Variants in USP24 observed in about 807,000 individuals in gnomAD.
The protein encoded by USP24 is ubiquitin specific peptidase 24.
Under a neutral mutation model 361.6 loss-of-function variants are expected in USP24, and 97 were observed. The observed-to-expected ratio is 0.27, with a 90% CI of 0.23 to 0.32. The LOEUF is 0.32. USP24 is among the 10% of genes least tolerant of loss of function. USP24 has a pLI of 1.00. For missense variants in USP24, 2,353 were observed against 3,165.6 expected, an observed-to-expected ratio of 0.74 and a Z score of 6.16; for synonymous variants, 1,098 against 1,124.6, an observed-to-expected ratio of 0.98 and a Z score of 0.47.
chr1:55,106,323 A>G lies in USP24; in HGVS notation c.4763-60T>C. On this transcript the variant is annotated intron_variant, in intron 40 of 67. Transcript: ENST00000294383. ...ACACATATTTTAATTCAAAGATCCT[A>G]TCTTGCACTTTCTTATCAGAGCAGC... The G allele has an allele frequency of 2.2e-6, 3 of 1,345,760 alleles. No homozygotes were observed. The South Asian group carries it at 3.7e-5, about 17-fold the overall frequency. 83.4% of individuals were successfully genotyped at this position (1,345,760 alleles called of 1,614,324 possible). A position where few individuals can be genotyped will look rare whatever the true frequency, so the allele number is the denominator to read the frequency against.
At chr1:55,202,421 T>C (rs1644599889) in intron 1 of USP24, among the ~76,000 whole-genome samples, 1 of 152,084 alleles carries the variant, frequency 6.6e-6, no homozygotes, top group African/African-American at 2.4e-5. Flanking sequence ...TTTTTTTTTT[T>C]TGAGATGGAG....
Position 55,138,593 on chromosome 1 carries a change from TTAATG to T in USP24, c.2928+10_2928+14del, listed in dbSNP as rs1354940436. ...GACAACATGAAAATGGCTGTAGTTC[TTAATG>T]TAAACCTACCTCGACAGTGAAGGTA... is the stretch of plus-strand genomic sequence containing the variant. On this transcript the variant is annotated intron_variant, in intron 26 of 67. Coordinates refer to ENST00000294383, the MANE Select transcript of USP24 (RefSeq NM_015306.3). The T allele has an allele frequency of 6.4e-7, 1 of 1,572,412 alleles. No individual in the cohort carries two copies.
At chr1:55,183,057 A>G (rs1450308157) in intron 1 of USP24, among the ~76,000 whole-genome samples, 1 of 152,210 alleles carries the variant, frequency 6.6e-6, no homozygotes, top group African/African-American at 2.4e-5. Context: ...CTATTCCTAA[A>G]AAATGCCAGA....
intron 45 of USP24, among the ~76,000 whole-genome samples, chr1:55,098,850 C>T (rs1048910721): frequency 6.6e-6 from 1 of 152,162 alleles, no homozygotes; most frequent in Non-Finnish European, 1.5e-5. Flanking sequence ...TTAGGGGCAA[C>T]TCTCAGCAAT....
At position 55,068,994 on chromosome 1, in the gene USP24, G is replaced by A. The variant is rs1417339924; in HGVS notation, c.*51C>T. 8.8e-6 allele frequency: 14 copies of A among 1,586,144 alleles called. 1 individual carries two copies. The South Asian group carries it at 1.4e-4, about 16-fold the overall frequency. ...TTCGAGATTCTGATTCCAAGAAGGT[G>A]CTGAGCATCCAGTATTGTGTCTTGA... On this transcript the variant is annotated 3_prime_UTR_variant, in exon 68 of 68. Transcript: ENST00000294383.
intron 67 of USP24, among the ~76,000 whole-genome samples, chr1:55,070,314 G>A (rs541284964): frequency 6.6e-5 from 10 of 152,268 alleles, no homozygotes; most frequent in African/African-American, 2.2e-4. Context: ...TGGAGTGAGG[G>A]CAGGAGGATA....
rs1646775369 is a variant in USP24 at position 55,137,638 on chromosome 1, A to G, written c.3078T>C (p.Asp1026=). Residue 1026 remains aspartate, a synonymous_variant, in exon 28 of 68, where the codon GAT becomes GAC. Transcript: ENST00000294383. ...AAGTCTTCACTGTAAGGATTTGTTC[A>G]TCAGAAAAGCCCAGTTGGTGGAGTA... ...QKLLHQLGFS[D]EQILTVKTSG... The G allele has an allele frequency of 6.2e-7, 1 of 1,613,306 alleles. No homozygotes were observed. The highest frequency in any genetic ancestry group is 8.5e-7 in the Non-Finnish European group (1 of 1,179,574).
rs1645194754 is a variant in USP24 at position 55,083,647 on chromosome 1, A to G, written c.6882+125T>C. The G allele has an allele frequency of 7.7e-6, 6 of 783,586 alleles. No individual in the cohort carries two copies. In the African/African-American group the frequency reaches 1.1e-4, roughly 14 times the overall value. The allele number at this position is 783,586 out of a possible 1,614,324, so 48.5% of individuals were successfully genotyped here. ...AGAATTCTTACAAGTAATATAATTCACAAGATTTTTAGGAAGAAACATCAT... is the reference window on the plus strand; with the variant it reads ...AGAATTCTTACAAGTAATATAATTCGCAAGATTTTTAGGAAGAAACATCAT... On this transcript the variant is annotated intron_variant, in intron 57 of 67. Coordinates refer to ENST00000294383, the MANE Select transcript of USP24 (RefSeq NM_015306.3).
intron 67 of USP24, among the ~76,000 whole-genome samples, chr1:55,069,935 A>AT (rs2100376505): frequency 6.6e-6 from 1 of 150,692 alleles, no homozygotes; most frequent in South Asian, 2.1e-4. Context: ...CGCAGGTGCT[A>AT]GATCAAGCAG....
At chr1:55,166,692 G>C (rs1444325504) in intron 5 of USP24, 89 bp from the exon 6 acceptor site, 2 of 1,264,790 alleles carry the variant, frequency 1.6e-6, no homozygotes, top group Non-Finnish European at 2.2e-6. Flanking sequence ...TGAAAAGTCA[G>C]AAGAAAAATT....
At position 55,094,000 on chromosome 1, in the gene USP24, C is replaced by T. The variant is rs369643238; in HGVS notation, c.6291G>A (p.Lys2097=). The part of the protein sequence containing the change: ...PNNDRLSILT[K]LVKKGEKKGL... ...CTTTCTTCTCGCCTTTTTTAACCAG[C>T]TTGGTAAGAATAGACAGCCGGTCAT... Residue 2097 remains lysine (K), a synonymous_variant, in exon 52 of 68, where the codon AAG becomes AAA. Transcript: ENST00000294383. 91 of 1,613,810 alleles carry T rather than the reference C, an allele frequency of 5.6e-5. No individual in the cohort carries two copies. Among genetic ancestry groups the T allele is most frequent in the Non-Finnish European group, 7.3e-5 (86 of 1,179,842 alleles).
rs1274699973 is a variant in USP24, at chr1:55,134,223, A to G, written c.3288-60T>C. On this transcript the variant is annotated intron_variant, in intron 29 of 67. Transcript: ENST00000294383. ...GCCATAGTTTAATTCAACAAAGTCC[A>G]TTAGTATGGAATATAAAATAAAATG... The G allele has an allele frequency of 3.2e-6, 5 of 1,577,924 alleles. No homozygotes were observed. The East Asian group carries it at 1.1e-4, about 36-fold the overall frequency.
rs1430083412 is a variant in USP24, at chr1:55,123,536, T to C, written c.4187A>G (p.Gln1396Arg). ...CGAGTCTTTGGTGGATACAGACTGTTGTCGAACACAGATTCCCGCATGCAG... is the reference window on the plus strand; with the variant it reads ...CGAGTCTTTGGTGGATACAGACTGTCGTCGAACACAGATTCCCGCATGCAG... ...VALHAGICVR[Q>R]QSVSTKDSLI... The change falls in exon 36 of 68, where the codon CAA (glutamine) becomes CGA (arginine). Residue 1396 changes from glutamine (Q) to arginine (R), a missense_variant. Coordinates refer to ENST00000294383, the MANE Select transcript of USP24 (RefSeq NM_015306.3). 2.5e-6 allele frequency: 4 copies of C among 1,602,766 alleles called. No individual in the cohort carries two copies. Among genetic ancestry groups the C allele is most frequent in the Non-Finnish European group, 3.4e-6 (4 of 1,174,692 alleles).
At chr1:55,162,150 T>C in intron 8 of USP24, 49 bp downstream of exon 8, 1 of 1,526,508 alleles carries the variant, frequency 6.6e-7, no homozygotes, top group Non-Finnish European at 8.8e-7. Context: ...GTTATTACTG[T>C]TTGCATGTCT....
intron 1 of USP24, among the ~76,000 whole-genome samples, chr1:55,199,155 G>A (rs1644494838): frequency 6.6e-6 from 1 of 152,098 alleles, no homozygotes; most frequent in Non-Finnish European, 1.5e-5. Context: ...CAGGCATGGT[G>A]GCGGGCACCT....
At chr1:55,113,939 G>T (rs557901) in intron 38 of USP24, among the ~76,000 whole-genome samples, 75 of 152,070 alleles carry the variant, frequency 4.9e-4, no homozygotes, top group Admixed American at 1.4e-3. Flanking sequence ...AGAAATAAAG[G>T]GTATTCAGAT....
chr1:55,203,674 C>T (rs1347945869), intron 1 of USP24, among the ~76,000 whole-genome samples: 1 of 152,168 alleles, frequency 6.6e-6, no homozygotes, highest in African/African-American at 2.4e-5. Context: ...TTAATAGATG[C>T]TTAAAATTCC....
Position 55,100,908 on chromosome 1 carries a change from T to G in USP24, c.5202A>C (p.Gln1734His). The change falls in exon 44 of 68, where the codon CAA becomes CAC. Residue 1734 changes from glutamine to histidine, a missense_variant. By Grantham distance (24) the Gln-to-His change is conservative. Coordinates refer to ENST00000294383, the MANE Select transcript of USP24 (RefSeq NM_015306.3). ...TTAAATGTCCAAAGAGAGACTGCAC[T>G]TGGTAAAACACGCTATCATCTGGAT... is the stretch of plus-strand genomic sequence containing the variant. ...TDNPDDSVFYQVQSLFGHLME... is the reference protein window; with the variant it reads ...TDNPDDSVFYHVQSLFGHLME... 1 of 1,613,744 alleles carries G rather than the reference T, an allele frequency of 6.2e-7. No homozygotes were observed. The highest frequency in any genetic ancestry group is 8.5e-7 in the Non-Finnish European group (1 of 1,179,772).
Position 55,134,169 on chromosome 1 carries a change from G to A in USP24, c.3288-6C>T, listed in dbSNP as rs755580281. 13 of 1,612,404 alleles carry A rather than the reference G, an allele frequency of 8.1e-6. No homozygotes were observed. Among genetic ancestry groups the A allele is most frequent in the Non-Finnish European group, 1.0e-5 (12 of 1,179,304 alleles). On this transcript the variant is annotated splice_region_variant and splice_polypyrimidine_tract_variant and intron_variant, in intron 29 of 67. Transcript: ENST00000294383. ...TCCGTACTCGTAGAGTTATCCTGAA[G>A]TTTTTCAAATACAAATTTTTTCATA...
Sources: allele counts gnomAD v4.1 joint callset (sites outside exome capture counted in the v4.1 genomes callset), GRCh38; gene constraint gnomAD v4.1.1; transcripts MANE v1.5; gene names NCBI Gene and HGNC (gene_info 2026-07-23, HGNC 2026-07-21).